FBLN7: variants seen among roughly 807,000 people sequenced by gnomAD.
FBLN7 encodes fibulin-7.
In FBLN7, 31 loss-of-function variants were observed where a neutral mutation model predicts 44.0. The observed-to-expected ratio is 0.70, with a 90% CI of 0.53 to 0.95. The LOEUF (loss-of-function observed/expected upper bound fraction) is 0.95, where lower values mean the gene tolerates loss of function less well. Among genes scored for constraint, FBLN7 ranks in the 40% least tolerant of loss-of-function variants. FBLN7 has a pLI of 0.00. For synonymous variants in FBLN7, 262 were observed against 253.4 expected (o/e 1.03, Z -0.32); for missense variants, 573 against 618.5 (o/e 0.93, Z 0.78).
intron 5 of FBLN7, among the ~76,000 whole-genome samples, chr2:112,182,338 C>A (rs1455750561): frequency 1.3e-5 from 2 of 152,184 alleles, no homozygotes; most frequent in East Asian, 3.9e-4. Context: ...CCCCAAACAA[C>A]GCAAAGCAGG....
chr2:112,154,544 C>T (rs951674902), intron 1 of FBLN7, among the ~76,000 whole-genome samples: 2 of 152,140 alleles, frequency 1.3e-5, no homozygotes, highest in Non-Finnish European at 2.9e-5. Flanking sequence ...GAGGGCTGTG[C>T]GGAGCCTGGG....
At chr2:112,195,241 T>G in the FBLN7 span, among the ~76,000 whole-genome samples, 465 of 152,340 alleles carry the variant, frequency 3.1e-3, 3 homozygotes, top group African/African-American at 0.011. Context: ...AGAAATTAGA[T>G]CGTAGCAATC....
intron 1 of FBLN7, among the ~76,000 whole-genome samples, chr2:112,155,806 C>G (rs1029206746): frequency 1.4e-4 from 21 of 152,196 alleles, no homozygotes; most frequent in Non-Finnish European, 2.9e-5. Flanking sequence ...CTTGGCTGCC[C>G]AGCGGCCAAG....
chr2:112,149,791 C>T (rs956430460), intron 1 of FBLN7, among the ~76,000 whole-genome samples: 4 of 152,214 alleles, frequency 2.6e-5, no homozygotes, highest in Non-Finnish European at 4.4e-5. Flanking sequence ...CAAACCCATC[C>T]ATTTGCACAA....
At chr2:112,220,808 C>T in the FBLN7 span, among the ~76,000 whole-genome samples, 1 of 152,122 alleles carries the variant, frequency 6.6e-6, no homozygotes, top group Non-Finnish European at 1.5e-5. Flanking sequence ...GCAAAAAGAG[C>T]GAAACTCCAT....
chr2:112,154,533 C>T (rs1027237771), intron 1 of FBLN7, among the ~76,000 whole-genome samples: 2 of 152,164 alleles, frequency 1.3e-5, no homozygotes, highest in Non-Finnish European at 2.9e-5. Flanking sequence ...AGGTCAGCTT[C>T]GAGGGCTGTG....
intron 2 of FBLN7, among the ~76,000 whole-genome samples, chr2:112,160,048 T>C (rs529581326): frequency 3.3e-5 from 5 of 152,154 alleles, no homozygotes; most frequent in South Asian, 2.1e-4. Context: ...TGGAGTGCAG[T>C]GGCGCGATCT....
chr2:112,199,703 A>G, the FBLN7 span, among the ~76,000 whole-genome samples: 1 of 152,168 alleles, frequency 6.6e-6, no homozygotes, highest in East Asian at 1.9e-4. Flanking sequence ...GTGTTGGAAA[A>G]TTAATCCCTC....
At chr2:112,162,231 A>C (rs1250563008) in intron 2 of FBLN7, among the ~76,000 whole-genome samples, 1 of 151,142 alleles carries the variant, frequency 6.6e-6, no homozygotes, top group Non-Finnish European at 1.5e-5. Context: ...GCTGATCTTG[A>C]ACTCCCAGGC....
chr2:112,143,194 G>T (rs1191208492), intron 1 of FBLN7, among the ~76,000 whole-genome samples: 1 of 152,196 alleles, frequency 6.6e-6, no homozygotes, highest in Non-Finnish European at 1.5e-5. Context: ...GAGAAGTATG[G>T]GGTGTGCAGA....
intron 1 of FBLN7, among the ~76,000 whole-genome samples, chr2:112,143,039 C>T (rs780988319): frequency 3.9e-5 from 6 of 152,160 alleles, no homozygotes; most frequent in Non-Finnish European, 2.9e-5. Flanking sequence ...AGTGGTCCTG[C>T]GGGGATGGAG....
intron 1 of FBLN7, 32 bp downstream of exon 1, chr2:112,138,762 G>C (rs1356690763): frequency 3.4e-5 from 53 of 1,546,806 alleles, no homozygotes; most frequent in Middle Eastern, 2.3e-4. Context: ...CTCCAGGCCA[G>C]TGTCCCTCCC....
At chr2:112,154,468 C>T (rs1159682428) in intron 1 of FBLN7, among the ~76,000 whole-genome samples, 1 of 152,186 alleles carries the variant, frequency 6.6e-6, no homozygotes, top group African/African-American at 2.4e-5. Flanking sequence ...CAGGGGCCTC[C>T]CCTTGCTGCC....
intron 3 of FBLN7, among the ~76,000 whole-genome samples, chr2:112,166,972 A>G (rs1199677924): frequency 6.6e-6 from 1 of 152,086 alleles, no homozygotes; most frequent in Non-Finnish European, 1.5e-5. Context: ...TTATCGCCCT[A>G]CTTTGTCTCT....
intron 4 of FBLN7, chr2:112,176,108 A>T: frequency 3.6e-6 from 1 of 278,958 alleles, no homozygotes. Flanking sequence ...AAAATCCCCT[A>T]GATTGGGAAT....
chr2:112,160,713 CAA>C (rs1185365111), intron 2 of FBLN7, among the ~76,000 whole-genome samples: 14 of 127,486 alleles, frequency 1.1e-4, no homozygotes, highest in African/African-American at 2.4e-4. Flanking sequence ...CGCACACACA[CAA>C]GCACGCGCAC....
chr2:112,167,683 A>G (rs1249310248), intron 3 of FBLN7, among the ~76,000 whole-genome samples: 1 of 152,200 alleles, frequency 6.6e-6, no homozygotes, highest in African/African-American at 2.4e-5. Flanking sequence ...TTCCCTAAGT[A>G]ATACTGCTGT....
chr2:112,147,650 C>T (rs1457229660), intron 1 of FBLN7, among the ~76,000 whole-genome samples: 1 of 152,194 alleles, frequency 6.6e-6, no homozygotes. Context: ...TGCGGCTACA[C>T]AGGGGCTTTG....
chr2:112,172,696 C>T (rs1340778393), intron 3 of FBLN7, among the ~76,000 whole-genome samples: 11 of 142,092 alleles, frequency 7.7e-5, no homozygotes, highest in Non-Finnish European at 1.3e-4. Context: ...AGTAGTGGCG[C>T]GATCTTGGCT....
Sources: allele counts gnomAD v4.1 joint callset (sites outside exome capture counted in the v4.1 genomes callset), GRCh38; gene constraint gnomAD v4.1.1; transcripts MANE v1.5; gene names NCBI Gene and HGNC (gene_info 2026-07-23, HGNC 2026-07-21).